Variants in IRAG1 observed in about 807,000 individuals in gnomAD.
IRAG1 encodes the protein inositol 1,4,5-triphosphate receptor associated 1, also known as IP3R-associated cGMP kinase substrate.
A neutral mutation model predicts 106.2 loss-of-function variants in IRAG1; 62 were observed. The ratio of observed to expected loss-of-function variants is 0.58; its 90% CI spans 0.48 to 0.72. The LOEUF (loss-of-function observed/expected upper bound fraction) is 0.72. IRAG1 is among the 30% of genes least tolerant of loss of function. The pLI, the probability that IRAG1 is intolerant of heterozygous loss-of-function variation, is 0.00. For synonymous variants in IRAG1, 462 were observed against 443.9 expected, an observed-to-expected ratio of 1.04 and a Z score of -0.51; for missense variants, 1,064 against 1,140.7, an observed-to-expected ratio of 0.93 and a Z score of 0.97.
At chr11:10,660,839 C>T (rs1004959104) in intron 1 of IRAG1, among the ~76,000 whole-genome samples, 3 of 152,154 alleles carry the variant, frequency 2.0e-5, no homozygotes, top group Non-Finnish European at 4.4e-5. Flanking sequence ...TTTCTGTCAC[C>T]CTCCACATTC....
chr11:10,663,396 A>G (rs540245046), intron 1 of IRAG1, among the ~76,000 whole-genome samples: 1 of 152,264 alleles, frequency 6.6e-6, no homozygotes, highest in South Asian at 2.1e-4. Flanking sequence ...GAATATAGGA[A>G]TATATGTAGG....
At chr11:10,682,889 CCT>C (rs1589976405) in intron 1 of IRAG1, among the ~76,000 whole-genome samples, 1 of 152,088 alleles carries the variant, frequency 6.6e-6, no homozygotes, top group East Asian at 1.9e-4. Context: ...ACTGATTGAC[CCT>C]GATCCAAGCT....
chr11:10,678,041 T>C (rs1860843259), intron 1 of IRAG1, among the ~76,000 whole-genome samples: 2 of 129,464 alleles, frequency 1.5e-5, no homozygotes, highest in South Asian at 4.9e-4. Context: ...ATCATCTATC[T>C]GTCTATCCAT....
intron 1 of IRAG1, among the ~76,000 whole-genome samples, chr11:10,670,812 A>G (rs984732819): frequency 6.6e-6 from 1 of 152,246 alleles, no homozygotes; most frequent in African/African-American, 2.4e-5. Flanking sequence ...GAAAGACCAT[A>G]TGAGGACACA....
At chr11:10,679,671 C>T (rs1330330639) in intron 1 of IRAG1, among the ~76,000 whole-genome samples, 4 of 152,190 alleles carry the variant, frequency 2.6e-5, no homozygotes, top group African/African-American at 9.7e-5. Flanking sequence ...TCTCTAGATG[C>T]CACGTGATCC....
intron 15 of IRAG1, among the ~76,000 whole-genome samples, chr11:10,598,440 G>T (rs997915364): frequency 2.0e-5 from 3 of 152,212 alleles, no homozygotes; most frequent in Admixed American, 2.0e-4. Flanking sequence ...TTCTTTACAT[G>T]TGAAGAGTTC....
intron 4 of IRAG1, among the ~76,000 whole-genome samples, chr11:10,631,363 T>C (rs1216006766): frequency 6.6e-6 from 1 of 152,226 alleles, no homozygotes; most frequent in Non-Finnish European, 1.5e-5. Flanking sequence ...CTCGCCTATC[T>C]GTCCAGCTCT....
At chr11:10,616,708 A>C (rs1460086330) in intron 10 of IRAG1, among the ~76,000 whole-genome samples, 1 of 152,158 alleles carries the variant, frequency 6.6e-6, no homozygotes, top group Non-Finnish European at 1.5e-5. Context: ...TTTAATTTCA[A>C]ACAAGTATAT....
chr11:10,654,460 T>G (rs1034391067), intron 1 of IRAG1, among the ~76,000 whole-genome samples: 6 of 152,232 alleles, frequency 3.9e-5, no homozygotes, highest in African/African-American at 1.4e-4. Context: ...CTGGAACAGT[T>G]AGGGTGACCC....
chr11:10,598,258 G>T (rs2134275380), intron 15 of IRAG1, among the ~76,000 whole-genome samples: 1 of 152,270 alleles, frequency 6.6e-6, no homozygotes, highest in East Asian at 1.9e-4. Flanking sequence ...GGGTCAGCTT[G>T]GTTTCAGTTC....
intron 1 of IRAG1, among the ~76,000 whole-genome samples, chr11:10,677,190 C>T (rs1377218827): frequency 6.6e-6 from 1 of 152,166 alleles, no homozygotes; most frequent in African/African-American, 2.4e-5. Flanking sequence ...TCCACTCTCC[C>T]AACCCTGTAC....
chr11:10,581,450 T>C (rs1851382991), intron 19 of IRAG1, among the ~76,000 whole-genome samples: 1 of 151,928 alleles, frequency 6.6e-6, no homozygotes, highest in Admixed American at 6.5e-5. Context: ...AGAGACTCCA[T>C]TTATAGGAGG....
chr11:10,632,144 C>A (rs1425761921), intron 3 of IRAG1, 83 bp from the exon 4 acceptor site: 8 of 846,686 alleles, frequency 9.4e-6, no homozygotes, highest in Non-Finnish European at 1.5e-5. Context: ...TATTCTTTTT[C>A]TTTTTCTTTC....
intron 2 of IRAG1, among the ~76,000 whole-genome samples, chr11:10,637,578 T>C (rs1443994441): frequency 6.6e-6 from 1 of 152,152 alleles, no homozygotes; most frequent in African/African-American, 2.4e-5. Context: ...ATGACGAATG[T>C]GTATGCACTT....
In IRAG1 at chr11:10,623,881, C is replaced by A. The variant is rs188936072; in HGVS notation, c.1369-25G>T. ...CCTTTGTGGTAAAAGAAAGAGATAACAATTTCAGATGATGACACTGGGCTG... is the reference window on the plus strand; with the variant it reads ...CCTTTGTGGTAAAAGAAAGAGATAAAAATTTCAGATGATGACACTGGGCTG... On this transcript the variant is annotated intron_variant, in intron 9 of 20. Coordinates refer to ENST00000423302, the MANE Select transcript of IRAG1 (RefSeq NM_130385.4). The A allele has an allele frequency of 1.9e-6, 3 of 1,599,816 alleles. No homozygotes were observed. In the South Asian group the frequency reaches 3.3e-5, roughly 18 times the overall value.
At position 10,659,994 on chromosome 11, in the gene IRAG1, G is replaced by A. The variant is rs964364041; in HGVS notation, c.68-7812C>T. On this transcript the variant is annotated intron_variant, in intron 1 of 20. Transcript: ENST00000423302. The surrounding 1 kb of genome is among the most constrained non-coding windows in gnomAD (Gnocchi z 4.1). ...TCCCATAAAGGGCAGGGCACCGAGG[G>A]GTCTCCAGGAAGACATGGAGGATCA... is the stretch of plus-strand genomic sequence containing the variant. 2.6e-5 allele frequency among the ~76,000 whole-genome samples: 4 copies of A among 152,140 alleles called. No homozygotes were observed. The highest frequency in any genetic ancestry group is 2.6e-4 in the Admixed American group (4 of 15,274).
chr11:10,667,113 T>A (rs1386458037), intron 1 of IRAG1, among the ~76,000 whole-genome samples: 3 of 151,756 alleles, frequency 2.0e-5, no homozygotes, highest in African/African-American at 7.3e-5. Flanking sequence ...TGACAACATA[T>A]GTTTATAGAA....
rs1851274967 is a variant in IRAG1 at position 10,580,450 on chromosome 11, C to T, written c.2495+5G>A. 1.2e-6 allele frequency: 2 copies of T among 1,610,414 alleles called. No individual in the cohort carries two copies. Among genetic ancestry groups the T allele is most frequent in the South Asian group, 2.2e-5 (2 of 90,502 alleles). ...CGGCAAGGACTCCAAACACAGGCTT[C>T]CCACCTGCTTCTTGGGCCCTTTTCC... On this transcript the variant is annotated splice_donor_5th_base_variant and intron_variant, in intron 20 of 20. Coordinates refer to ENST00000423302, the MANE Select transcript of IRAG1 (RefSeq NM_130385.4).
At chr11:10,602,811 CA>C (rs1854144316) in intron 14 of IRAG1, among the ~76,000 whole-genome samples, 1 of 152,160 alleles carries the variant, frequency 6.6e-6, no homozygotes, top group Non-Finnish European at 1.5e-5. Flanking sequence ...TAAAGTGAAC[CA>C]GCCTTCTCCA....
Sources: gnomAD v4.1 joint callset for allele counts (sites outside exome capture counted in the v4.1 genomes callset) on GRCh38, gnomAD v4.1.1 for gene constraint, Gnocchi (gnomAD v3.1) non-coding constraint, MANE v1.5 for transcripts, NCBI Gene and HGNC (gene_info 2026-07-23, HGNC 2026-07-21) for gene names.